IQSEC1: variants seen among roughly 807,000 people sequenced by gnomAD.
IQSEC1 encodes IQ motif and Sec7 domain ArfGEF 1, also known as IQ motif and SEC7 domain-containing protein 1.
Under a neutral mutation model 91.0 loss-of-function variants are expected in IQSEC1, and 31 were observed. That is an observed-to-expected ratio of 0.34 (90% CI 0.26 to 0.46). The LOEUF is 0.46. Among genes scored for constraint, IQSEC1 ranks in the 20% least tolerant of loss-of-function variants. The pLI is 1.00. For synonymous variants in IQSEC1, 699 were observed against 662.6 expected (o/e 1.05, Z -0.84); for missense variants, 1,388 against 1,575.6 (o/e 0.88, Z 2.02).
At chr3:13,206,766 C>T (rs1266666779) in intron 1 of IQSEC1, among the ~76,000 whole-genome samples, 1 of 152,154 alleles carries the variant, frequency 6.6e-6, no homozygotes, top group East Asian at 1.9e-4. Context: ...CTTACAGACA[C>T]TAAGCTGGTG....
At chr3:13,172,530 G>A (rs1693637657) in intron 1 of IQSEC1, among the ~76,000 whole-genome samples, 1 of 152,208 alleles carries the variant, frequency 6.6e-6, no homozygotes, top group African/African-American at 2.4e-5. Flanking sequence ...TTGCCATCTA[G>A]GAGTGGTGTG....
Position 13,103,571 on chromosome 3 carries a change from C to G in IQSEC1, c.303-56049G>C, listed in dbSNP as rs1051109714. 3.3e-5 allele frequency among the ~76,000 whole-genome samples: 5 copies of G among 152,112 alleles called. No homozygotes were observed. Among genetic ancestry groups the G allele is most frequent in the African/African-American group, 9.7e-5 (4 of 41,442 alleles). On this transcript the variant is annotated intron_variant, in intron 2 of 15. Transcript: ENST00000648114. This position sits in a 1 kb window ranked among gnomAD's most constrained non-coding sequence, Gnocchi z 4.1. Reference sequence around the variant, plus strand: ...AAAACCAAGAATCAGGGAGGCCAAGCAGCAGCTGGCAAGAGCCAGAGCCGA... The same window carrying G: ...AAAACCAAGAATCAGGGAGGCCAAGGAGCAGCTGGCAAGAGCCAGAGCCGA...
intron 3 of IQSEC1, among the ~76,000 whole-genome samples, chr3:12,930,112 C>T (rs1426797005): frequency 2.0e-5 from 3 of 152,220 alleles, no homozygotes; most frequent in Non-Finnish European, 4.4e-5. Flanking sequence ...CACCTACCTG[C>T]TGGAGCAAAG....
intron 1 of IQSEC1, among the ~76,000 whole-genome samples, chr3:13,205,980 A>G (rs536072493): frequency 7.2e-6 from 1 of 139,128 alleles, no homozygotes; most frequent in South Asian, 2.4e-4. Flanking sequence ...CCATTCATCT[A>G]TTCCTCCTTT....
chr3:13,066,708 C>T (rs1407750971), intron 1 of IQSEC1, among the ~76,000 whole-genome samples: 2 of 152,222 alleles, frequency 1.3e-5, no homozygotes, highest in African/African-American at 2.4e-5. Context: ...TGCCCCACCC[C>T]GTTCTCTTCC....
intron 2 of IQSEC1, among the ~76,000 whole-genome samples, chr3:13,090,234 C>G (rs1403170133): frequency 1.3e-5 from 2 of 151,142 alleles, no homozygotes; most frequent in Non-Finnish European, 3.0e-5. Flanking sequence ...AATAAAACAA[C>G]AAAAACAAAC....
At chr3:13,057,138 G>T (rs1704907873) in intron 1 of IQSEC1, among the ~76,000 whole-genome samples, 1 of 152,128 alleles carries the variant, frequency 6.6e-6, no homozygotes, top group African/African-American at 2.4e-5. Context: ...GCCTTATCCT[G>T]ACTGCAATGT....
chr3:12,918,116 G>T (rs1696285611), intron 6 of IQSEC1, among the ~76,000 whole-genome samples: 1 of 152,242 alleles, frequency 6.6e-6, no homozygotes, highest in East Asian at 1.9e-4. Flanking sequence ...ATGTGACCCT[G>T]GGCAGGTCCC....
intron 1 of IQSEC1, among the ~76,000 whole-genome samples, chr3:13,200,160 C>T (rs959498104): frequency 1.3e-5 from 2 of 150,224 alleles, no homozygotes; most frequent in Non-Finnish European, 2.9e-5. Context: ...ACACACCAAA[C>T]ACACATACAC....
intron 2 of IQSEC1, among the ~76,000 whole-genome samples, chr3:13,079,826 G>C (rs1705621716): frequency 6.6e-6 from 1 of 152,240 alleles, no homozygotes; most frequent in Non-Finnish European, 1.5e-5. Context: ...CATGATCACA[G>C]TTATAATATG....
chr3:13,131,707 GA>G (rs1706624340), intron 2 of IQSEC1, among the ~76,000 whole-genome samples: 2 of 152,098 alleles, frequency 1.3e-5, no homozygotes, highest in African/African-American at 4.8e-5. Context: ...GGCTGGTCTC[GA>G]ACTCCTGACC....
Position 12,920,436 on chromosome 3 carries a change from G to A in IQSEC1, c.2014C>T (p.Leu672Phe). Residue 672 changes from leucine to phenylalanine, a missense_variant, in exon 6 of 14, where the codon CTC becomes TTC. Leu to Phe is a conservative substitution (Grantham distance 22, BLOSUM62 0). This residue lies in a region of IQSEC1 where 1,059 missense variants were observed against 1,317.8 expected (regional missense o/e 0.80). Coordinates refer to ENST00000613206, the MANE Select transcript of IQSEC1 (RefSeq NM_001134382.3). ...KMKLEDFIKN[L>F]RGVDDGEDIP... Reference sequence around the variant, plus strand: ...ACCGCCTGAGACAGCTCACCTCGGAGGTTCTTGATGAAGTCCTCTAGCTTC... The same window carrying A: ...ACCGCCTGAGACAGCTCACCTCGGAAGTTCTTGATGAAGTCCTCTAGCTTC... 6.2e-7 allele frequency: 1 copy of A among 1,613,974 alleles called. No homozygotes were observed. Among genetic ancestry groups the A allele is most frequent in the Non-Finnish European group, 8.5e-7 (1 of 1,179,850 alleles).
chr3:13,018,214 C>T (rs747922737), intron 1 of IQSEC1, among the ~76,000 whole-genome samples: 1 of 152,250 alleles, frequency 6.6e-6, no homozygotes, highest in Non-Finnish European at 1.5e-5. Context: ...CCAAGAGGAA[C>T]GCCCACTGGC....
At chr3:13,044,281 G>C (rs552196537) in intron 1 of IQSEC1, among the ~76,000 whole-genome samples, 1 of 152,238 alleles carries the variant, frequency 6.6e-6, no homozygotes, top group African/African-American at 2.4e-5. Context: ...TGGGGAGAGA[G>C]TGCCAGCATC....
chr3:13,222,980 G>T (rs768471840), intron 1 of IQSEC1, among the ~76,000 whole-genome samples: 1 of 152,228 alleles, frequency 6.6e-6, no homozygotes, highest in Non-Finnish European at 1.5e-5. Context: ...CACTTACCAA[G>T]GTGTCGATCG....
At chr3:13,277,062 C>A (rs981106348) in intron 1 of IQSEC1, among the ~76,000 whole-genome samples, 18 of 124,494 alleles carry the variant, frequency 1.4e-4, no homozygotes, top group Non-Finnish European at 2.0e-4. Flanking sequence ...CTGACAAGCT[C>A]AGAATGGTGC....
intron 1 of IQSEC1, among the ~76,000 whole-genome samples, chr3:13,165,527 G>C (rs1282543855): frequency 1.4e-5 from 1 of 72,292 alleles, no homozygotes. Flanking sequence ...GGTGGGGGGT[G>C]GGGGGGTGGC....
intron 2 of IQSEC1, among the ~76,000 whole-genome samples, chr3:13,159,682 T>C (rs563694000): frequency 1.4e-4 from 22 of 152,130 alleles, no homozygotes; most frequent in Non-Finnish European, 2.9e-4. Flanking sequence ...GTGCGGGTGG[T>C]TGTGCAGATG....
intron 2 of IQSEC1, among the ~76,000 whole-genome samples, chr3:13,128,791 C>G (rs1403833163): frequency 6.7e-6 from 1 of 149,330 alleles, no homozygotes; most frequent in Non-Finnish European, 1.5e-5. Context: ...GCAGGAGAAT[C>G]GCTTGAACCT....
Sources: allele counts gnomAD v4.1 joint callset (sites outside exome capture counted in the v4.1 genomes callset), GRCh38; gene constraint gnomAD v4.1.1; regional missense constraint gnomAD v4.1.1; non-coding constraint Gnocchi (gnomAD v3.1); transcripts MANE v1.5; gene names NCBI Gene and HGNC (gene_info 2026-07-23, HGNC 2026-07-21).